Variants in LCA5 observed in about 807,000 individuals in gnomAD.
The protein encoded by LCA5 is lebercilin LCA5, also known as lebercilin.
Under a neutral mutation model 53.0 loss-of-function variants are expected in LCA5, and 37 were observed. The observed-to-expected ratio is 0.70, with a 90% CI of 0.54 to 0.92. The LOEUF (loss-of-function observed/expected upper bound fraction) is 0.92. Among genes scored for constraint, LCA5 ranks in the 40% least tolerant of loss-of-function variants. The pLI is 0.00. For missense variants in LCA5, 806 were observed against 790.5 expected (o/e 1.02, Z -0.23); for synonymous variants, 303 against 282.9 (o/e 1.07, Z -0.71).
At chr6:79,531,406 T>C (rs968202237) in intron 1 of LCA5, among the ~76,000 whole-genome samples, 1 of 152,228 alleles carries the variant, frequency 6.6e-6, no homozygotes, top group Non-Finnish European at 1.5e-5. Context: ...AAGCTGATGC[T>C]TGATTCCATG....
intron 3 of LCA5, among the ~76,000 whole-genome samples, chr6:79,507,894 A>T (rs933621327): frequency 5.3e-5 from 8 of 152,152 alleles, no homozygotes; most frequent in African/African-American, 1.9e-4. Flanking sequence ...ACCTGTATGC[A>T]AGTTACCCTC....
At position 79,487,043 on chromosome 6, in the gene LCA5, A is replaced by G. The variant is rs1389386479; in HGVS notation, c.2055T>C (p.Asp685=). The change falls in exon 8 of 8, where the codon GAT becomes GAC. Residue 685 remains aspartate (D), a synonymous_variant. Coordinates refer to ENST00000369846, the MANE Select transcript of LCA5 (RefSeq NM_001122769.3). ...ADDKPAVKAA[D]SVEDEIEEVA... is the part of the protein sequence containing the mutation. ...CTTCTTCAATTTCATCTTCTACAGA[A>G]TCAGCTGCTTTTACTGCTGGTTTAT... 2 of 1,613,770 alleles carry G rather than the reference A, an allele frequency of 1.2e-6. No individual in the cohort carries two copies. The highest frequency in any genetic ancestry group is 3.3e-5 in the Admixed American group (2 of 59,964).
rs1766314241 is a variant in LCA5 at position 79,513,447 on chromosome 6, A to G, written c.485T>C (p.Phe162Ser). The G allele has an allele frequency of 6.2e-7, 1 of 1,613,828 alleles. No individual in the cohort carries two copies. The highest frequency in any genetic ancestry group is 8.5e-7 in the Non-Finnish European group (1 of 1,179,928). The change falls in exon 3 of 8, where the codon TTT becomes TCT. Residue 162 changes from phenylalanine to serine, a missense_variant. Coordinates refer to ENST00000369846, the MANE Select transcript of LCA5 (RefSeq NM_001122769.3). ...DAENEISQLI[F>S]RHNNEITALK... The stretch of plus-strand genomic sequence containing the variant: ...TGCTGTAATCTCATTGTTATGACGA[A>G]ATATAAGTTGTGAGATTTCATTTTC...
chr6:79,513,879 G>GT (rs1766342605), intron 2 of LCA5, 138 bp from the exon 3 acceptor site: 1 of 803,102 alleles, frequency 1.2e-6, no homozygotes, highest in Non-Finnish European at 2.0e-6. Flanking sequence ...ATTTAGTAAA[G>GT]TATCAAGTTT....
chr6:79,518,707 T>C lies in LCA5; in HGVS notation c.188A>G (p.Gln63Arg), dbSNP rs762452189. The C allele has an allele frequency of 5.0e-6, 8 of 1,613,970 alleles. No individual in the cohort carries two copies. The highest frequency in any genetic ancestry group is 1.1e-5 in the South Asian group (1 of 91,078). ...AGACTCTTTTAAAGAATGCTTACCT[T>C]GGTGATGTACTTGGCCATCTGAAGT... ...RQTSDGQVHH[Q>R]APRKPSPKGL... Residue 63 changes from glutamine (Q) to arginine (R), a missense_variant and splice_region_variant, in exon 2 of 8, where the codon CAA becomes CGA. By Grantham distance (43) the Gln-to-Arg change is conservative (BLOSUM62 1). Transcript: ENST00000369846.
At chr6:79,534,755 G>C (rs1189127399) in intron 1 of LCA5, among the ~76,000 whole-genome samples, 1 of 151,940 alleles carries the variant, frequency 6.6e-6, no homozygotes, top group Non-Finnish European at 1.5e-5. Context: ...AAAGTGGGGG[G>C]GTAAATGAGG....
intron 3 of LCA5, among the ~76,000 whole-genome samples, chr6:79,494,176 G>C (rs1769917639): frequency 6.6e-6 from 1 of 151,884 alleles, no homozygotes; most frequent in Non-Finnish European, 1.5e-5. Context: ...AAGATCACTA[G>C]AGCCTGGAAG....
rs1295544034 is a variant in LCA5 at position 79,486,614 on chromosome 6, T to C, written c.*390A>G. 5.6e-6 allele frequency: 1 copy of C among 178,014 alleles called. No individual in the cohort carries two copies. The highest frequency in any genetic ancestry group is 1.2e-5 in the Non-Finnish European group (1 of 85,286). 11.0% of individuals were successfully genotyped at this position (178,014 alleles called of 1,614,324 possible). ...TCCCAACACAGACTTTCACCCTTAATTTTCATTCAACAATTAGTGGGAAGA... is the reference window on the plus strand; with the variant it reads ...TCCCAACACAGACTTTCACCCTTAACTTTCATTCAACAATTAGTGGGAAGA... On this transcript the variant is annotated 3_prime_UTR_variant, in exon 8 of 8. Transcript: ENST00000369846.
chr6:79,528,436 C>T (rs549989281), intron 1 of LCA5, among the ~76,000 whole-genome samples: 9 of 152,256 alleles, frequency 5.9e-5, no homozygotes, highest in African/African-American at 2.2e-4. Flanking sequence ...AAGGAACCTC[C>T]GTAACCTGTT....
Position 79,492,599 on chromosome 6 carries a change from G to A in LCA5, c.907C>T (p.Pro303Ser). The A allele has an allele frequency of 6.4e-7, 1 of 1,570,732 alleles. No homozygotes were observed. The highest frequency in any genetic ancestry group is 1.4e-5 in the African/African-American group (1 of 73,960). The part of the protein sequence containing the change: ...DIKNIYSNRL[P>S]KSSPNKEKEL... ...TTCTCTTTATTTGGAGAGGACTTTG[G>A]CAGACGATTAGAATATATATTTTTT... Residue 303 changes from proline to serine, a missense_variant, in exon 5 of 8, where the codon CCA (proline) becomes TCA (serine). Coordinates refer to ENST00000369846, the MANE Select transcript of LCA5 (RefSeq NM_001122769.3).
chr6:79,537,438 G>A (rs1562118037), upstream of LCA5: 2 of 152,366 alleles, frequency 1.3e-5, no homozygotes, highest in Non-Finnish European at 2.9e-5. Flanking sequence ...ACTGCACTAC[G>A]AAGAGACCGC....
At chr6:79,495,181 G>A (rs1769946553) in intron 3 of LCA5, among the ~76,000 whole-genome samples, 1 of 152,302 alleles carries the variant, frequency 6.6e-6, no homozygotes, top group Admixed American at 6.5e-5. Flanking sequence ...AGGGTTCTAA[G>A]TTGTGCTCTT....
At chr6:79,525,980 G>A (rs1039262691) in intron 1 of LCA5, among the ~76,000 whole-genome samples, 3 of 152,208 alleles carry the variant, frequency 2.0e-5, no homozygotes, top group Admixed American at 2.0e-4. Context: ...GGAATTATGG[G>A]TGTATAGGGA....
rs937500633 is a variant in LCA5 at position 79,513,872 on chromosome 6, T to C, written c.191-131A>G. On this transcript the variant is annotated intron_variant, in intron 2 of 7. Transcript: ENST00000369846. ...CTTTAAGAAAGGATTTTACAATATT[T>C]AGTAAAGTATCAAGTTTTATTTAGA... is the stretch of plus-strand genomic sequence containing the variant. The C allele has an allele frequency of 1.6e-5, 13 of 832,686 alleles. No homozygotes were observed. The African/African-American group carries it at 2.1e-4, about 13-fold the overall frequency. 51.6% of individuals were successfully genotyped at this position (832,686 alleles called of 1,614,324 possible).
At chr6:79,511,282 C>A (rs900839741) in intron 3 of LCA5, among the ~76,000 whole-genome samples, 2 of 152,110 alleles carry the variant, frequency 1.3e-5, no homozygotes, top group African/African-American at 4.8e-5. Context: ...CATAGTACAT[C>A]CATACCATGG....
At chr6:79,502,903 CAG>C (rs1233467823) in intron 3 of LCA5, among the ~76,000 whole-genome samples, 4 of 152,002 alleles carry the variant, frequency 2.6e-5, no homozygotes, top group Non-Finnish European at 5.9e-5. Context: ...TTTCTTGAGA[CAG>C]AGTCTCACTC....
chr6:79,493,907 T>A (rs1769910146), intron 3 of LCA5, among the ~76,000 whole-genome samples, 157 bp from the exon 4 acceptor site: 1 of 152,172 alleles, frequency 6.6e-6, no homozygotes, highest in African/African-American at 2.4e-5. Flanking sequence ...GGAAACAGAT[T>A]TACCAACAAT....
chr6:79,493,713 A>G lies in LCA5; in HGVS notation c.758T>C (p.Phe253Ser). 5 of 1,613,676 alleles carry G rather than the reference A, an allele frequency of 3.1e-6. No homozygotes were observed. The highest frequency in any genetic ancestry group is 4.2e-6 in the Non-Finnish European group (5 of 1,179,732). Residue 253 changes from phenylalanine to serine, a missense_variant, in exon 4 of 8, where the codon TTC (phenylalanine) becomes TCC (serine). By Grantham distance (155) the Phe-to-Ser change is radical. Transcript: ENST00000369846. Reference protein sequence around the residue: ...SKNLELSTNSFQRQLLAERKR... With the variant: ...SKNLELSTNSSQRQLLAERKR... ...CCTTTCAGCAAGCAACTGTCGTTGGAAACTGTTAGTACTCAGTTCAAGGTT... is the reference window on the plus strand; with the variant it reads ...CCTTTCAGCAAGCAACTGTCGTTGGGAACTGTTAGTACTCAGTTCAAGGTT...
chr6:79,529,298 G>C (rs1319157893), intron 1 of LCA5, among the ~76,000 whole-genome samples: 1 of 152,140 alleles, frequency 6.6e-6, no homozygotes, highest in Admixed American at 6.5e-5. Context: ...ACCAAAGAAA[G>C]TAAATAGAAA....
Sources: gnomAD v4.1 joint callset for allele counts (sites outside exome capture counted in the v4.1 genomes callset) on GRCh38, gnomAD v4.1.1 for gene constraint, MANE v1.5 for transcripts, NCBI Gene and HGNC (gene_info 2026-07-23, HGNC 2026-07-21) for gene names.